Variants in SCAPER observed in about 807,000 individuals in gnomAD.
The protein encoded by SCAPER is S-phase cyclin A associated protein in the ER, also known as S phase cyclin A-associated protein in the endoplasmic reticulum.
In SCAPER, 98 loss-of-function variants were observed where a neutral mutation model predicts 182.2. That is an observed-to-expected ratio of 0.54 (90% CI 0.46 to 0.64). The LOEUF is 0.64. Among genes scored for constraint, SCAPER ranks in the 30% least tolerant of loss-of-function variants. The pLI, the probability that SCAPER is intolerant of heterozygous loss-of-function variation, is 0.00. For synonymous variants in SCAPER, 605 were observed against 564.6 expected, an observed-to-expected ratio of 1.07 and a Z score of -1.01; for missense variants, 1,432 against 1,690.0, an observed-to-expected ratio of 0.85 and a Z score of 2.68.
At chr15:76,536,340 C>G (rs997775053) in intron 23 of SCAPER, among the ~76,000 whole-genome samples, 1 of 151,982 alleles carries the variant, frequency 6.6e-6, no homozygotes. Flanking sequence ...AAAAAAACAC[C>G]CAGTATTAAA....
intron 23 of SCAPER, among the ~76,000 whole-genome samples, chr15:76,505,718 T>A (rs1203145115): frequency 3.3e-5 from 5 of 152,194 alleles, no homozygotes; most frequent in African/African-American, 9.6e-5. Context: ...AGCTGCCATA[T>A]GACCCAGCAA....
intron 5 of SCAPER, among the ~76,000 whole-genome samples, chr15:76,831,046 A>G (rs2068428336): frequency 6.6e-6 from 1 of 152,140 alleles, no homozygotes; most frequent in Admixed American, 6.5e-5. Flanking sequence ...CAGGCATTTG[A>G]GATGGCAGGG....
At chr15:76,416,125 A>G (rs1302465539) in intron 26 of SCAPER, among the ~76,000 whole-genome samples, 1 of 152,146 alleles carries the variant, frequency 6.6e-6, no homozygotes, top group African/African-American at 2.4e-5. Flanking sequence ...CAACTTACAA[A>G]ATAGTAAAAA....
intron 22 of SCAPER, among the ~76,000 whole-genome samples, chr15:76,619,544 G>C (rs1007247682): frequency 2.0e-5 from 3 of 151,972 alleles, no homozygotes; most frequent in African/African-American, 4.8e-5. Flanking sequence ...CTTTTAGAGA[G>C]AGCTAATTTG....
chr15:76,793,178 A>G, intron 8 of SCAPER: 1 of 1,057,350 alleles, frequency 9.5e-7, no homozygotes, highest in Non-Finnish European at 1.4e-6. Flanking sequence ...TAACACAAAA[A>G]TTACAAACTT....
At position 76,786,326 on chromosome 15, in the gene SCAPER, C is replaced by CAAAA. The variant is rs35708368; in HGVS notation, c.772+8950_772+8953dup. Among the ~76,000 whole-genome samples, 14 of 110,916 alleles carry CAAAA rather than the reference C, an allele frequency of 1.3e-4. 1 individual carries two copies. In the Middle Eastern group the frequency reaches 0.014, roughly 111 times the overall value. 72.8% of individuals were successfully genotyped at this position (110,916 alleles called of 152,430 possible). On this transcript the variant is annotated intron_variant, in intron 8 of 31. Coordinates refer to ENST00000563290, the MANE Select transcript of SCAPER (RefSeq NM_020843.4). ...TGGGTGACAGGGCAAGACTCTGTCT[C>CAAAA]AAAAAAAAAAAAAAAAAAATCAATC...
intron 25 of SCAPER, among the ~76,000 whole-genome samples, chr15:76,451,460 G>C (rs567831380): frequency 1.3e-5 from 2 of 152,134 alleles, no homozygotes; most frequent in Non-Finnish European, 2.9e-5. Context: ...TAAAACACAG[G>C]AGTTTGTTAA....
At chr15:76,772,072 G>A in intron 9 of SCAPER, 118 bp from the exon 10 acceptor site, 1 of 708,706 alleles carries the variant, frequency 1.4e-6, no homozygotes, top group Non-Finnish European at 2.3e-6. Context: ...TACTTGACTG[G>A]ATGACAGAAA....
chr15:76,848,490 T>G (rs779069442), intron 4 of SCAPER, among the ~76,000 whole-genome samples: 1 of 151,784 alleles, frequency 6.6e-6, no homozygotes, highest in African/African-American at 2.4e-5. Context: ...CCCGCCACCA[T>G]ACCCAGTTAA....
At chr15:76,742,034 G>T (rs2061566434) in intron 15 of SCAPER, among the ~76,000 whole-genome samples, 1 of 151,982 alleles carries the variant, frequency 6.6e-6, no homozygotes, top group Non-Finnish European at 1.5e-5. Flanking sequence ...AATAAAGAAG[G>T]GAAGACAGTA....
At chr15:76,834,699 T>C (rs2068782533) in intron 5 of SCAPER, among the ~76,000 whole-genome samples, 1 of 151,970 alleles carries the variant, frequency 6.6e-6, no homozygotes, top group Admixed American at 6.6e-5. Context: ...ATAAACACAA[T>C]TGGCAATGAC....
chr15:76,651,559 G>A (rs1167291998), intron 21 of SCAPER, among the ~76,000 whole-genome samples: 1 of 144,902 alleles, frequency 6.9e-6, no homozygotes, highest in Non-Finnish European at 1.5e-5. Context: ...ACTGAATTAG[G>A]AAGAGATTGA....
rs1227681563 is a variant in SCAPER, at chr15:76,769,359, C to T, written c.1249-2271G>A. 4.2e-5 allele frequency among the ~76,000 whole-genome samples: 6 copies of T among 144,048 alleles called. No individual in the cohort carries two copies. The East Asian group carries it at 6.5e-4, about 16-fold the overall frequency. 94.5% of individuals were successfully genotyped at this position (144,048 alleles called of 152,430 possible). ...TCGGGAGGCTGAGGCAGGAGAATGG[C>T]GTGAACCTGGGAGGTGGAGCTTGCA... On this transcript the variant is annotated intron_variant, in intron 10 of 31. Transcript: ENST00000563290.
intron 22 of SCAPER, among the ~76,000 whole-genome samples, chr15:76,605,911 T>A (rs1206193570): frequency 6.6e-6 from 1 of 152,252 alleles, no homozygotes; most frequent in African/African-American, 2.4e-5. Flanking sequence ...GATTCTTCTC[T>A]CTTTTCTTCA....
chr15:76,601,473 A>G (rs1597606789), intron 22 of SCAPER, among the ~76,000 whole-genome samples: 1 of 121,952 alleles, frequency 8.2e-6, no homozygotes, highest in East Asian at 2.2e-4. Context: ...TATTCATTAC[A>G]GTAACATGGC....
intron 26 of SCAPER, among the ~76,000 whole-genome samples, chr15:76,426,410 G>C (rs546764626): frequency 6.6e-6 from 1 of 152,326 alleles, no homozygotes; most frequent in East Asian, 1.9e-4. Context: ...CTCTGAGCCA[G>C]GTGCGGGATA....
chr15:76,466,561 TC>T (rs1336994011), intron 25 of SCAPER, among the ~76,000 whole-genome samples: 1 of 151,806 alleles, frequency 6.6e-6, no homozygotes, highest in African/African-American at 2.4e-5. Context: ...TGTCTTTGTT[TC>T]TTTAGGATTG....
At chr15:76,581,322 G>C (rs1411196820) in intron 22 of SCAPER, among the ~76,000 whole-genome samples, 1 of 152,146 alleles carries the variant, frequency 6.6e-6, no homozygotes, top group East Asian at 1.9e-4. Flanking sequence ...TAGGAGGTTA[G>C]TATTATCCTG....
chr15:76,643,994 T>A (rs1477714574), intron 21 of SCAPER, among the ~76,000 whole-genome samples: 9 of 152,150 alleles, frequency 5.9e-5, no homozygotes, highest in African/African-American at 2.2e-4. Context: ...ATCACTACCA[T>A]GTTTCATGAT....
Sources: gnomAD v4.1 joint callset for allele counts (sites outside exome capture counted in the v4.1 genomes callset) on GRCh38, gnomAD v4.1.1 for gene constraint, MANE v1.5 for transcripts, NCBI Gene and HGNC (gene_info 2026-07-23, HGNC 2026-07-21) for gene names.